Variants in GRIP1 observed in about 807,000 individuals in gnomAD.
GRIP1 encodes the protein glutamate receptor-interacting protein 1.
In GRIP1, 45 loss-of-function variants were observed where a neutral mutation model predicts 129.9. The ratio of observed to expected loss-of-function variants is 0.35; its 90% CI spans 0.27 to 0.44. GRIP1 has a LOEUF of 0.44. Ranked by LOEUF, GRIP1 falls within the 20% of genes least tolerant of loss-of-function variation. GRIP1 has a pLI of 1.00. For missense variants in GRIP1, 1,196 were observed against 1,396.8 expected, an observed-to-expected ratio of 0.86 and a Z score of 2.29; for synonymous variants, 530 against 520.8, an observed-to-expected ratio of 1.02 and a Z score of -0.24.
intron 1 of GRIP1, among the ~76,000 whole-genome samples, chr12:66,881,863 A>G (rs563116979): frequency 2.3e-4 from 35 of 152,332 alleles, no homozygotes; most frequent in Middle Eastern, 6.8e-3. Context: ...CAAAGAATGG[A>G]GCAGTTGTCA....
intron 1 of GRIP1, among the ~76,000 whole-genome samples, chr12:66,884,395 T>C (rs189921874): frequency 6.6e-6 from 1 of 152,328 alleles, no homozygotes; most frequent in Non-Finnish European, 1.5e-5. Context: ...AGGCTACGGC[T>C]AGAAAACGAG....
chr12:66,955,660 A>C (rs1433004644), intron 1 of GRIP1, among the ~76,000 whole-genome samples: 11 of 151,994 alleles, frequency 7.2e-5, no homozygotes, highest in Middle Eastern at 3.4e-3. Context: ...GGCGTGCATC[A>C]CCATGCCCGG....
Position 66,802,626 on chromosome 12 carries a change from C to A in GRIP1, c.-420+1427G>T, listed in dbSNP as rs370373451. Among the ~76,000 whole-genome samples the A allele has an allele frequency of 6.7e-4, 102 of 152,234 alleles. 2 individuals are homozygous for A. The highest frequency in any genetic ancestry group is 2.3e-3 in the African/African-American group (97 of 41,538). On this transcript the variant is annotated intron_variant, in intron 1 of 4. Coordinates refer to the GRIP1 transcript ENST00000538373. The stretch of plus-strand genomic sequence containing the variant: ...TATTGTTCAATTCTGTTTCTACAAA[C>A]ATATATCATGGTACAAACCTGAGAT...
At chr12:66,522,769 T>C (rs2061063486) in intron 5 of GRIP1, among the ~76,000 whole-genome samples, 1 of 151,898 alleles carries the variant, frequency 6.6e-6, no homozygotes, top group Admixed American at 6.6e-5. Flanking sequence ...GCAAAGAAGT[T>C]AAAAACTTTG....
Position 66,455,474 on chromosome 12 carries a change from T to A in GRIP1, c.1289A>T (p.Tyr430Phe). The change falls in exon 11 of 25, where the codon TAC becomes TTC. Residue 430 changes from tyrosine (Y) to phenylalanine (F), a missense_variant. Transcript: ENST00000359742. Reference protein sequence around the residue: ...LNMGTLPRSLYSTSPRGTMMR... With the variant: ...LNMGTLPRSLFSTSPRGTMMR... ...CATGGTTCCACGTGGGCTGGTGGAG[T>A]AGAGGCTTCGAGGTAGAGTCCCCAT... The A allele has an allele frequency of 6.2e-7, 1 of 1,613,588 alleles. No individual in the cohort carries two copies.
At chr12:66,782,277 C>T (rs1378696708) in intron 1 of GRIP1, among the ~76,000 whole-genome samples, 3 of 152,090 alleles carry the variant, frequency 2.0e-5, no homozygotes, top group African/African-American at 4.8e-5. Context: ...GGATTGAGAT[C>T]GGATTTTCAA....
At position 66,634,026 on chromosome 12, in the gene GRIP1, T is replaced by C. The variant is rs771270737; in HGVS notation, c.56-37099A>G. Among the ~76,000 whole-genome samples, 10 of 152,354 alleles carry C rather than the reference T, an allele frequency of 6.6e-5. No individual in the cohort carries two copies. In the East Asian group the frequency reaches 1.9e-3, roughly 29 times the overall value. Reference sequence around the variant, plus strand: ...AATGGTTTATGTTCGACTTCAAGAATGGTCTATCTTTGCATTTTCTTTGTG... The same window carrying C: ...AATGGTTTATGTTCGACTTCAAGAACGGTCTATCTTTGCATTTTCTTTGTG... On this transcript the variant is annotated intron_variant, in intron 1 of 24. Coordinates refer to ENST00000359742, the MANE Select transcript of GRIP1 (RefSeq NM_001366722.1).
At chr12:66,426,628 G>A (rs2057995711) in intron 14 of GRIP1, among the ~76,000 whole-genome samples, 1 of 152,068 alleles carries the variant, frequency 6.6e-6, no homozygotes, top group Non-Finnish European at 1.5e-5. Flanking sequence ...TCTTCCTCAA[G>A]TGTCCATTTT....
intron 11 of GRIP1, among the ~76,000 whole-genome samples, chr12:66,452,841 GA>G (rs531811935): frequency 5.3e-5 from 8 of 151,868 alleles, no homozygotes; most frequent in Admixed American, 5.2e-4. Context: ...TAAAAGAAAA[GA>G]AAAAAATCCT....
intron 1 of GRIP1, among the ~76,000 whole-genome samples, chr12:67,000,626 T>A (rs1457561841): frequency 1.3e-5 from 2 of 152,196 alleles, no homozygotes; most frequent in Admixed American, 6.6e-5. Context: ...TAAAGAGGAT[T>A]TTAAAATTCA....
intron 1 of GRIP1, among the ~76,000 whole-genome samples, chr12:66,955,819 T>C (rs966947651): frequency 1.3e-5 from 2 of 152,174 alleles, no homozygotes; most frequent in Admixed American, 6.5e-5. Flanking sequence ...TACTACATTA[T>C]TTAACAAAAA....
chr12:66,375,584 A>G (rs2137333565), intron 22 of GRIP1, among the ~76,000 whole-genome samples: 2 of 152,310 alleles, frequency 1.3e-5, no homozygotes, highest in Middle Eastern at 6.8e-3. Flanking sequence ...CATTCATCCT[A>G]GTTGAGGATT....
chr12:66,443,718 A>C (rs1308603474), intron 13 of GRIP1, among the ~76,000 whole-genome samples: 1 of 151,956 alleles, frequency 6.6e-6, no homozygotes, highest in Non-Finnish European at 1.5e-5. Context: ...AGCCTCCCAA[A>C]ATGCTGGGAT....
At chr12:67,047,178 A>G (rs2043266505) in intron 1 of GRIP1, among the ~76,000 whole-genome samples, 1 of 152,190 alleles carries the variant, frequency 6.6e-6, no homozygotes, top group Admixed American at 6.6e-5. Context: ...AGTTTTAATT[A>G]TATTAAATTG....
chr12:67,034,129 G>A (rs1015961343), intron 1 of GRIP1, among the ~76,000 whole-genome samples: 1 of 152,126 alleles, frequency 6.6e-6, no homozygotes, highest in African/African-American at 2.4e-5. Context: ...AAACTTTTCA[G>A]TCAATGTTTC....
At chr12:66,756,110 A>G (rs1312781979) in intron 1 of GRIP1, among the ~76,000 whole-genome samples, 4 of 152,198 alleles carry the variant, frequency 2.6e-5, no homozygotes, top group African/African-American at 9.7e-5. Flanking sequence ...GTATATTTAC[A>G]TTGTTGGGCA....
chr12:66,597,613 T>TG (rs1175730406), intron 1 of GRIP1, among the ~76,000 whole-genome samples: 1 of 152,182 alleles, frequency 6.6e-6, no homozygotes, highest in East Asian at 1.9e-4. Context: ...GAAAATAACT[T>TG]GCAGAATTAT....
At chr12:66,727,669 T>C (rs1014336599) in intron 1 of GRIP1, among the ~76,000 whole-genome samples, 18 of 152,296 alleles carry the variant, frequency 1.2e-4, no homozygotes, top group African/African-American at 4.3e-4. Context: ...TTTATTTTAC[T>C]TTTTTTCAAT....
rs150512388 is a variant in GRIP1 at position 66,608,933 on chromosome 12, AATTATTATT to A, written c.56-12015_56-12007del. ...AGGAATCCCACAGTAACATGAAACA[AATTATTATT>A]ATTATTATTATTATTATATTATATA... On this transcript the variant is annotated intron_variant, in intron 1 of 24. Coordinates refer to ENST00000359742, the MANE Select transcript of GRIP1 (RefSeq NM_001366722.1). Among the ~76,000 whole-genome samples the A allele has an allele frequency of 2.7e-3, 398 of 145,548 alleles. 1 individual carries two copies. Among genetic ancestry groups the A allele is most frequent in the African/African-American group, 9.0e-3 (356 of 39,728 alleles).
Sources: allele counts gnomAD v4.1 joint callset (sites outside exome capture counted in the v4.1 genomes callset), GRCh38; gene constraint gnomAD v4.1.1; transcripts MANE v1.5; gene names NCBI Gene and HGNC (gene_info 2026-07-23, HGNC 2026-07-21).